Variants in RELN observed in about 807,000 individuals in gnomAD.
The protein encoded by RELN is reelin.
A neutral mutation model predicts 427.6 loss-of-function variants in RELN; 108 were observed. The ratio of observed to expected loss-of-function variants is 0.25; its 90% CI spans 0.22 to 0.30. The LOEUF (loss-of-function observed/expected upper bound fraction) is 0.30. Among genes scored for constraint, RELN ranks in the 10% least tolerant of loss-of-function variants. The pLI, the probability that RELN is intolerant of heterozygous loss-of-function variation, is 1.00. For missense variants in RELN, 3,715 were observed against 4,302.8 expected (o/e 0.86, Z 3.82); for synonymous variants, 1,524 against 1,513.4 (o/e 1.01, Z -0.16).
intron 1 of RELN, among the ~76,000 whole-genome samples, chr7:103,931,312 C>T (rs1376684182): frequency 6.6e-6 from 1 of 152,194 alleles, no homozygotes; most frequent in Non-Finnish European, 1.5e-5. Context: ...TCCTTTTCCT[C>T]TCAATCTCTT....
At chr7:103,807,083 A>G (rs1435959450) in intron 3 of RELN, among the ~76,000 whole-genome samples, 1 of 152,198 alleles carries the variant, frequency 6.6e-6, no homozygotes, top group African/African-American at 2.4e-5. Flanking sequence ...GAGAGGAGGT[A>G]CCGGAGCTGA....
chr7:103,952,013 G>T (rs1796342518), intron 1 of RELN, among the ~76,000 whole-genome samples: 1 of 152,220 alleles, frequency 6.6e-6, no homozygotes, highest in Non-Finnish European at 1.5e-5. Flanking sequence ...AAATCAAAAA[G>T]TCTGATGAAC....
At chr7:103,633,002 A>G (rs1832504896) in intron 19 of RELN, among the ~76,000 whole-genome samples, 2 of 152,150 alleles carry the variant, frequency 1.3e-5, no homozygotes, top group South Asian at 4.1e-4. Flanking sequence ...ATAATTTTAA[A>G]TTAATAAAAA....
chr7:103,879,813 A>G (rs1202639091), intron 2 of RELN, among the ~76,000 whole-genome samples: 1 of 152,204 alleles, frequency 6.6e-6, no homozygotes, highest in Non-Finnish European at 1.5e-5. Flanking sequence ...TAATTTTTTA[A>G]TATGTGACAA....
intron 10 of RELN, 148 bp downstream of exon 10, chr7:103,697,705 G>A (rs1010957267): frequency 9.5e-6 from 10 of 1,058,138 alleles, no homozygotes; most frequent in Non-Finnish European, 1.4e-5. Flanking sequence ...TCCTTAAAAG[G>A]TAGGGTAATA....
At chr7:103,833,786 G>T in intron 2 of RELN, 114 bp from the exon 3 acceptor site, 1 of 1,001,018 alleles carries the variant, frequency 1.0e-6, no homozygotes, top group Non-Finnish European at 1.5e-6. Context: ...TATGCTATTT[G>T]GCTTCCCAAT....
At chr7:103,790,465 T>C (rs963487084) in intron 3 of RELN, among the ~76,000 whole-genome samples, 3 of 152,174 alleles carry the variant, frequency 2.0e-5, no homozygotes, top group African/African-American at 4.8e-5. Flanking sequence ...TTTTAAGATG[T>C]ATTTCCAGGC....
intron 1 of RELN, among the ~76,000 whole-genome samples, chr7:103,986,316 C>G (rs974161691): frequency 3.3e-5 from 5 of 152,122 alleles, no homozygotes; most frequent in Non-Finnish European, 5.9e-5. Context: ...GTTGCCAGTA[C>G]TGAAAATAGA....
chr7:103,859,103 C>T (rs749258232), intron 2 of RELN, among the ~76,000 whole-genome samples: 2 of 152,028 alleles, frequency 1.3e-5, no homozygotes, highest in Non-Finnish European at 2.9e-5. Context: ...GGTCAGGTGA[C>T]TGGGGAGAAA....
At chr7:103,911,756 A>G (rs1795371552) in intron 2 of RELN, among the ~76,000 whole-genome samples, 1 of 136,878 alleles carries the variant, frequency 7.3e-6, no homozygotes, top group Non-Finnish European at 1.6e-5. Flanking sequence ...TCGCAAGAAC[A>G]AAAAACCAAA....
At chr7:103,784,747 G>A (rs1367641136) in intron 3 of RELN, among the ~76,000 whole-genome samples, 2 of 152,074 alleles carry the variant, frequency 1.3e-5, no homozygotes, top group Non-Finnish European at 2.9e-5. Context: ...TGGCCCTGTT[G>A]GCATATGATA....
intron 10 of RELN, among the ~76,000 whole-genome samples, chr7:103,695,811 C>A (rs929993283): frequency 4.6e-5 from 7 of 152,222 alleles, no homozygotes; most frequent in South Asian, 4.2e-4. Context: ...ATGACATACG[C>A]TATTCTGACG....
intron 8 of RELN, among the ~76,000 whole-genome samples, chr7:103,714,054 C>A (rs56200539): frequency 0.26 from 39,330 of 151,972 alleles, 5,241 homozygotes; most frequent in South Asian, 0.38. Flanking sequence ...ATATGACTCC[C>A]AGTCTTAGGC....
chr7:103,554,503 G>C (rs1830482317), intron 38 of RELN, among the ~76,000 whole-genome samples: 1 of 149,228 alleles, frequency 6.7e-6, no homozygotes, highest in Non-Finnish European at 1.5e-5. Flanking sequence ...CTGGGAGGTG[G>C]AGGTTGCAGT....
intron 1 of RELN, among the ~76,000 whole-genome samples, chr7:103,919,452 C>A (rs544574359): frequency 5.9e-5 from 9 of 152,156 alleles, no homozygotes; most frequent in South Asian, 4.2e-4. Flanking sequence ...TCTCTCCATC[C>A]CCTTTCTTTC....
chr7:103,518,122 G>A (rs944494476), intron 49 of RELN, among the ~76,000 whole-genome samples: 15 of 152,114 alleles, frequency 9.9e-5, no homozygotes, highest in Admixed American at 9.8e-4. Flanking sequence ...AGCCACTACA[G>A]TAGTCCTGGA....
At chr7:103,610,594 G>T in intron 22 of RELN, 101 bp downstream of exon 22, 1 of 748,250 alleles carries the variant, frequency 1.3e-6, no homozygotes, top group Non-Finnish European at 2.5e-6. Context: ...TGCTTAACTT[G>T]CCTTCATATT....
chr7:103,559,300 A>T (rs1445233867), intron 36 of RELN, among the ~76,000 whole-genome samples: 1 of 152,234 alleles, frequency 6.6e-6, no homozygotes, highest in Non-Finnish European at 1.5e-5. Context: ...AAAAATATCC[A>T]GATAATGCCA....
intron 61 of RELN, among the ~76,000 whole-genome samples, chr7:103,485,954 A>G (rs1015914216): frequency 1.3e-5 from 2 of 152,234 alleles, no homozygotes; most frequent in African/African-American, 4.8e-5. Context: ...GTTTATGCCT[A>G]CATTACCACC....
Sources: gnomAD v4.1 joint callset for allele counts (sites outside exome capture counted in the v4.1 genomes callset) on GRCh38, gnomAD v4.1.1 for gene constraint, MANE v1.5 for transcripts, NCBI Gene and HGNC (gene_info 2026-07-23, HGNC 2026-07-21) for gene names.